The following CDK13 variants were observed in gnomAD, a reference collection of about 807,000 sequenced individuals.
CDK13 encodes cyclin-dependent kinase 13.
A neutral mutation model predicts 137.6 loss-of-function variants in CDK13; 40 were observed. That is an observed-to-expected ratio of 0.29 (90% confidence interval 0.23 to 0.38). The LOEUF (loss-of-function observed/expected upper bound fraction) is 0.38, where lower values mean the gene tolerates loss of function less well. Among genes scored for constraint, CDK13 ranks in the 10% least tolerant of loss-of-function variants. The probability of loss-of-function intolerance (pLI) is 1.00; values close to 1 mark genes in which losing one functional copy is unlikely to be tolerated. For missense variants in CDK13, 1,704 were observed against 1,951.8 expected, an observed-to-expected ratio of 0.87 and a Z score of 2.39; for synonymous variants, 869 against 760.1, an observed-to-expected ratio of 1.14 and a Z score of -2.36.
chr7:39,951,457 G>A lies in CDK13; in HGVS notation c.816G>A (p.Lys272=), dbSNP rs950678963. Residue 272 remains lysine, a synonymous_variant, in exon 1 of 14, where the codon AAG becomes AAA. Coordinates refer to ENST00000181839, the MANE Select transcript of CDK13 (RefSeq NM_003718.5). ...CATCCAGCAGCAGTAGCAGCCGCAA[G>A]GACCGGGACTCGAAGGCCCACCGCA... is the stretch of plus-strand genomic sequence containing the variant. ...SATSSSSSSR[K]DRDSKAHRSR... The A allele has an allele frequency of 4.6e-6, 7 of 1,538,052 alleles. No homozygotes were observed. In the African/African-American group the frequency reaches 8.4e-5, roughly 18 times the overall value.
At chr7:40,068,809 A>T (rs1347003786) in intron 9 of CDK13, among the ~76,000 whole-genome samples, 2 of 152,002 alleles carry the variant, frequency 1.3e-5, no homozygotes, top group East Asian at 3.8e-4. Context: ...GATTGATCTC[A>T]TTTAGGTAAA....
intron 1 of CDK13, among the ~76,000 whole-genome samples, chr7:39,954,162 A>G (rs1475403953): frequency 6.6e-6 from 1 of 152,170 alleles, no homozygotes; most frequent in African/African-American, 2.4e-5. Flanking sequence ...GACAGTTGTC[A>G]TGATTTCTGA....
intron 7 of CDK13, among the ~76,000 whole-genome samples, chr7:40,056,086 C>T (rs905270116): frequency 5.9e-5 from 9 of 152,122 alleles, no homozygotes; most frequent in African/African-American, 1.7e-4. Context: ...TACTATATTA[C>T]TGAATTGGGT....
At chr7:39,969,454 T>A (rs946178711) in intron 1 of CDK13, among the ~76,000 whole-genome samples, 1 of 152,244 alleles carries the variant, frequency 6.6e-6, no homozygotes, top group Non-Finnish European at 1.5e-5. Context: ...TATTTCCAGT[T>A]TTTGGCTGTT....
chr7:40,014,320 G>A (rs965567085), intron 5 of CDK13, among the ~76,000 whole-genome samples: 1 of 151,826 alleles, frequency 6.6e-6, no homozygotes, highest in African/African-American at 2.4e-5. Flanking sequence ...GCCCGCCTCA[G>A]CCTCCCAAAG....
intron 11 of CDK13, among the ~76,000 whole-genome samples, chr7:40,084,723 A>C (rs773418549): frequency 6.6e-6 from 1 of 152,248 alleles, no homozygotes; most frequent in Non-Finnish European, 1.5e-5. Flanking sequence ...AGTGATGTCA[A>C]ACATGAATTA....
rs1199856868 is a variant in CDK13, at chr7:40,077,987, C to T, written c.2781-18C>T. The T allele has an allele frequency of 8.1e-7, 1 of 1,232,638 alleles. No individual in the cohort carries two copies. The highest frequency in any genetic ancestry group is 2.6e-5 in the East Asian group (1 of 38,130). The allele number at this position is 1,232,638 out of a possible 1,614,324, so 76.4% of individuals were successfully genotyped here. A position where few individuals can be genotyped will look rare whatever the true frequency, so the allele number is the denominator to read the frequency against. The stretch of plus-strand genomic sequence containing the variant: ...TATGTAGTTGATAGTGATGTACTTC[C>T]TTTTGTGTGTTGCTTAGCCGAATAT... On this transcript the variant is annotated intron_variant, in intron 9 of 13. Coordinates refer to ENST00000181839, the MANE Select transcript of CDK13 (RefSeq NM_003718.5).
chr7:39,951,974 C>G (rs985854048), intron 1 of CDK13, 122 bp downstream of exon 1: 1 of 1,068,602 alleles, frequency 9.4e-7, no homozygotes, highest in African/African-American at 1.6e-5. Flanking sequence ...GAGACAACAC[C>G]GCCTGAGCCT....
At chr7:40,060,549 G>A (rs1786119282) in intron 7 of CDK13, among the ~76,000 whole-genome samples, 1 of 152,104 alleles carries the variant, frequency 6.6e-6, no homozygotes, top group Non-Finnish European at 1.5e-5. Flanking sequence ...AGCATTGTTT[G>A]GGCTTTGTGT....
At chr7:40,082,883 T>A (rs893959836) in intron 11 of CDK13, among the ~76,000 whole-genome samples, 34 of 151,880 alleles carry the variant, frequency 2.2e-4, no homozygotes, top group Admixed American at 1.1e-3. Context: ...GGTGGATCCC[T>A]TGAGCCCATG....
intron 7 of CDK13, among the ~76,000 whole-genome samples, chr7:40,049,407 G>GT (rs552235821): frequency 0.027 from 3,797 of 139,628 alleles, 129 homozygotes; most frequent in African/African-American, 0.084. Context: ...TTGTATGAGT[G>GT]TTTTTTTTTT....
intron 1 of CDK13, among the ~76,000 whole-genome samples, chr7:39,959,292 G>A (rs1055360737): frequency 6.6e-6 from 1 of 151,510 alleles, no homozygotes; most frequent in Admixed American, 6.6e-5. Flanking sequence ...CTTCCGAGTA[G>A]CTGGGATTAC....
At chr7:40,021,344 A>G (rs1785121202) in intron 5 of CDK13, among the ~76,000 whole-genome samples, 1 of 151,676 alleles carries the variant, frequency 6.6e-6, no homozygotes, top group Non-Finnish European at 1.5e-5. Context: ...TAAAAATACA[A>G]AAATTAGCCG....
At chr7:39,982,563 T>C (rs1307062936) in intron 1 of CDK13, among the ~76,000 whole-genome samples, 5 of 152,180 alleles carry the variant, frequency 3.3e-5, no homozygotes, top group Non-Finnish European at 1.5e-5. Context: ...ATGGTATTTC[T>C]AGTTCTAGAT....
intron 9 of CDK13, chr7:40,072,319 G>T (rs1786439906): frequency 6.6e-6 from 1 of 152,232 alleles, no homozygotes; most frequent in South Asian, 2.1e-4. Context: ...TAGAGACAGG[G>T]TTTTGCCATG....
chr7:39,960,383 G>C (rs1431052655), intron 1 of CDK13, among the ~76,000 whole-genome samples: 2 of 151,772 alleles, frequency 1.3e-5, no homozygotes, highest in South Asian at 4.1e-4. Context: ...AGCCTCGCGA[G>C]TAGCTGGGAC....
At chr7:40,030,542 A>G (rs1785355409) in intron 5 of CDK13, among the ~76,000 whole-genome samples, 1 of 148,530 alleles carries the variant, frequency 6.7e-6, no homozygotes, top group African/African-American at 2.5e-5. Flanking sequence ...CTGGGATTAC[A>G]GGTGCGCACC....
rs1398161128 is a variant in CDK13, at chr7:40,097,158, TCAAA to T, written c.*2181_*2184del. 6.6e-6 allele frequency: 1 copy of T among 152,154 alleles called. No individual in the cohort carries two copies. 9.4% of individuals were successfully genotyped at this position (152,154 alleles called of 1,614,324 possible). A position where few individuals can be genotyped will look rare whatever the true frequency, so the allele number is the denominator to read the frequency against. ...AACTGTGTTTGGATAGTTTTTCTAA[TCAAA>T]CATTTCAGTTATATATTTATGTTGG... On this transcript the variant is annotated 3_prime_UTR_variant, in exon 14 of 14. Transcript: ENST00000181839.
At chr7:40,047,389 C>T (rs1200746176) in intron 6 of CDK13, among the ~76,000 whole-genome samples, 3 of 152,060 alleles carry the variant, frequency 2.0e-5, no homozygotes, top group Admixed American at 1.3e-4. Context: ...GCACCTAGCC[C>T]CTCTAAAACT....
Sources: gnomAD v4.1 joint callset for allele counts (sites outside exome capture counted in the v4.1 genomes callset) on GRCh38, gnomAD v4.1.1 for gene constraint, MANE v1.5 for transcripts, NCBI Gene and HGNC (gene_info 2026-07-23, HGNC 2026-07-21) for gene names.